The following CDH19 variants were observed in gnomAD, a reference collection of about 807,000 sequenced individuals.
CDH19 encodes the protein cadherin 19, also known as cadherin-19.
CDH19 carries 67 observed loss-of-function variants against 64.2 expected under a neutral mutation model. The observed-to-expected ratio is 1.04, with a 90% confidence interval of 0.86 to 1.28. The LOEUF is 1.28. Among genes scored for constraint, CDH19 ranks in the 50% most tolerant of loss-of-function variants. CDH19 has a pLI of 0.00. For synonymous variants in CDH19, 346 were observed against 319.3 expected (o/e 1.08, Z -0.89); for missense variants, 1,030 against 929.0 (o/e 1.11, Z -1.41).
At chr18:66,515,456 A>C (rs1450216120) in intron 9 of CDH19, among the ~76,000 whole-genome samples, 2 of 151,806 alleles carry the variant, frequency 1.3e-5, no homozygotes, top group Non-Finnish European at 3.0e-5. Context: ...AACCAACAAG[A>C]AAGTCTAGGT....
intron 1 of CDH19, among the ~76,000 whole-genome samples, chr18:66,582,493 G>A (rs1163382815): frequency 6.6e-6 from 1 of 151,894 alleles, no homozygotes; most frequent in Non-Finnish European, 1.5e-5. Context: ...TGAAAAGGAA[G>A]CAATATTTTG....
In CDH19 at chr18:66,504,285, A is replaced by G; in HGVS notation, c.*527T>C. ...TTCTAGTTTTCTACGAAGATTACCT[A>G]GCATTCTTTTTTTTTTTTTTTTTTT... is the stretch of plus-strand genomic sequence containing the variant. On this transcript the variant is annotated 3_prime_UTR_variant, in exon 12 of 12. Coordinates refer to ENST00000262150, the MANE Select transcript of CDH19 (RefSeq NM_021153.4). 1 of 118,274 alleles carries G rather than the reference A, an allele frequency of 8.5e-6. No individual in the cohort carries two copies. Among genetic ancestry groups the G allele is most frequent in the Admixed American group, 9.6e-5 (1 of 10,412 alleles). 7.3% of individuals were successfully genotyped at this position (118,274 alleles called of 1,614,324 possible). A position where few individuals can be genotyped will look rare whatever the true frequency, so the allele number is the denominator to read the frequency against.
intron 1 of CDH19, among the ~76,000 whole-genome samples, chr18:66,578,993 T>C (rs2144597767): frequency 6.6e-6 from 1 of 151,892 alleles, no homozygotes; most frequent in African/African-American, 2.4e-5. Context: ...GGGAGGAAGA[T>C]CAGGAGGGAA....
chr18:66,568,018 C>T (rs1465408005), intron 3 of CDH19, among the ~76,000 whole-genome samples: 1 of 151,732 alleles, frequency 6.6e-6, no homozygotes, highest in African/African-American at 2.4e-5. Flanking sequence ...ACAATAGAGT[C>T]TAATAAATTC....
intron 11 of CDH19, among the ~76,000 whole-genome samples, chr18:66,505,591 C>T (rs1568168262): frequency 6.8e-6 from 1 of 146,316 alleles, no homozygotes; most frequent in Non-Finnish European, 1.5e-5. Flanking sequence ...ATATAGTGAA[C>T]TATATATATT....
At chr18:66,599,570 A>G (rs1030620351) in intron 1 of CDH19, among the ~76,000 whole-genome samples, 2 of 152,102 alleles carry the variant, frequency 1.3e-5, no homozygotes, top group Non-Finnish European at 2.9e-5. Flanking sequence ...ACCACAAAAA[A>G]TGTTAAATAT....
At chr18:66,595,912 C>T (rs1405729022) in intron 1 of CDH19, among the ~76,000 whole-genome samples, 2 of 151,952 alleles carry the variant, frequency 1.3e-5, no homozygotes, top group Non-Finnish European at 2.9e-5. Flanking sequence ...TTCAAAAGTC[C>T]TCAACAAAAT....
intron 8 of CDH19, among the ~76,000 whole-genome samples, chr18:66,533,779 G>A (rs1002594718): frequency 6.6e-6 from 1 of 151,970 alleles, no homozygotes; most frequent in African/African-American, 2.4e-5. Flanking sequence ...CAGTATAATT[G>A]CTATGGTGAA....
At chr18:66,523,619 G>A (rs568420518) in intron 9 of CDH19, among the ~76,000 whole-genome samples, 60 of 151,872 alleles carry the variant, frequency 4.0e-4, no homozygotes, top group African/African-American at 1.3e-3. Context: ...GGTGGGGGTG[G>A]GGGGGGAGTG....
rs189010730 is a variant in CDH19, at chr18:66,533,163, T to C, written c.1336+1823A>G. On this transcript the variant is annotated intron_variant, in intron 8 of 11. Transcript: ENST00000262150. ...CCAACAATAACAGTTACAATTAAGA[T>C]AGAAATTGTAATTTTCAATTAACTA... Among the ~76,000 whole-genome samples, 150 of 151,926 alleles carry C rather than the reference T, an allele frequency of 9.9e-4. 1 individual carries two copies. The highest frequency in any genetic ancestry group is 3.5e-3 in the African/African-American group (146 of 41,438).
intron 3 of CDH19, among the ~76,000 whole-genome samples, chr18:66,563,570 T>G (rs1341803784): frequency 6.6e-6 from 1 of 152,010 alleles, no homozygotes; most frequent in Non-Finnish European, 1.5e-5. Context: ...AATGAGGTGA[T>G]CAAATGATCA....
At chr18:66,561,414 C>T (rs956910732) in intron 3 of CDH19, among the ~76,000 whole-genome samples, 16 of 152,148 alleles carry the variant, frequency 1.1e-4, no homozygotes, top group Middle Eastern at 6.8e-3. Flanking sequence ...ATGAAAATAA[C>T]GTAGCACGAG....
At chr18:66,533,094 G>T (rs1986519214) in intron 8 of CDH19, among the ~76,000 whole-genome samples, 1 of 151,882 alleles carries the variant, frequency 6.6e-6, no homozygotes. Context: ...TTTGAGGGGA[G>T]GTTTTCTGGG....
At chr18:66,591,738 GA>G (rs796371956) in intron 1 of CDH19, among the ~76,000 whole-genome samples, 3 of 151,700 alleles carry the variant, frequency 2.0e-5, no homozygotes, top group Non-Finnish European at 3.0e-5. Context: ...TACTTTAATG[GA>G]AAAAACATTC....
Position 66,600,372 on chromosome 18 carries a change from T to C in CDH19, c.-113+3582A>G, listed in dbSNP as rs187690847. The stretch of plus-strand genomic sequence containing the variant: ...ATTTAAGGGTCAGTTAAGTAATGTC[T>C]TGCTGAGATTTTTAATATTTAACTC... On this transcript the variant is annotated intron_variant, in intron 1 of 11. Coordinates refer to ENST00000262150, the MANE Select transcript of CDH19 (RefSeq NM_021153.4). 3.8e-3 allele frequency among the ~76,000 whole-genome samples: 575 copies of C among 151,952 alleles called. 4 individuals are homozygous for C. The highest frequency in any genetic ancestry group is 8.1e-3 in the Admixed American group (124 of 15,252).
In CDH19 at chr18:66,512,879, T is replaced by C. The variant is rs566975590; in HGVS notation, c.1459-1194A>G. ...AGTTTTTAACCTTGAAAAATAAAAATACTAATACTTAACCTTCAGGGTTCA... is the reference window on the plus strand; with the variant it reads ...AGTTTTTAACCTTGAAAAATAAAAACACTAATACTTAACCTTCAGGGTTCA... On this transcript the variant is annotated intron_variant, in intron 9 of 11. Transcript: ENST00000262150. Among the ~76,000 whole-genome samples, 5 of 151,518 alleles carry C rather than the reference T, an allele frequency of 3.3e-5. No homozygotes were observed. In the South Asian group the frequency reaches 1.0e-3, roughly 31 times the overall value.
chr18:66,572,994 T>C (rs548430796), intron 1 of CDH19, among the ~76,000 whole-genome samples: 1 of 151,726 alleles, frequency 6.6e-6, no homozygotes, highest in South Asian at 2.1e-4. Context: ...TAAGAATGGG[T>C]GAATGTTTGT....
chr18:66,531,541 A>G (rs1986445029), intron 8 of CDH19, among the ~76,000 whole-genome samples: 1 of 152,124 alleles, frequency 6.6e-6, no homozygotes, highest in Non-Finnish European at 1.5e-5. Flanking sequence ...TCGCTTGAGC[A>G]GGAGGTTGTG....
chr18:66,506,854 T>A (rs1164912576), intron 11 of CDH19, among the ~76,000 whole-genome samples: 1 of 151,940 alleles, frequency 6.6e-6, no homozygotes, highest in African/African-American at 2.4e-5. Context: ...AAACTTGCAT[T>A]TAAAATATCT....
Sources: allele counts gnomAD v4.1 joint callset (sites outside exome capture counted in the v4.1 genomes callset), GRCh38; gene constraint gnomAD v4.1.1; transcripts MANE v1.5; gene names NCBI Gene and HGNC (gene_info 2026-07-23, HGNC 2026-07-21).